Variants in PECAM1 observed in about 807,000 individuals in gnomAD.
PECAM1 encodes the protein platelet and endothelial cell adhesion molecule 1.
Under a neutral mutation model 13.8 loss-of-function variants are expected in PECAM1, and 8 were observed. That is an observed-to-expected ratio of 0.58 (90% CI 0.34 to 1.05). The LOEUF is 1.05. PECAM1 is among the 50% of genes least tolerant of loss of function. PECAM1 has a pLI of 0.03. For synonymous variants in PECAM1, 136 were observed against 52.6 expected, an observed-to-expected ratio of 2.58 and a Z score of -6.86; for missense variants, 304 against 141.2, an observed-to-expected ratio of 2.15 and a Z score of -5.84.
chr17:64,387,044 C>G (rs2036609159), intron 2 of PECAM1, among the ~76,000 whole-genome samples: 1 of 151,904 alleles, frequency 6.6e-6, no homozygotes, highest in Admixed American at 6.6e-5. Flanking sequence ...GGTTCAGACT[C>G]CAGGAGAAGA....
chr17:64,372,538 C>T (rs1267334339), intron 4 of PECAM1, among the ~76,000 whole-genome samples: 2 of 152,044 alleles, frequency 1.3e-5, no homozygotes, highest in Non-Finnish European at 2.9e-5. Flanking sequence ...TGGAGTCTCA[C>T]TCAGTCACCC....
Position 64,380,707 on chromosome 17 carries a change from G to T in PECAM1, c.92-2590C>A, listed in dbSNP as rs1035347403. On this transcript the variant is annotated intron_variant, in intron 2 of 15. Coordinates refer to ENST00000563924, the MANE Select transcript of PECAM1 (RefSeq NM_000442.5). ...GACAAATTATTAGAAATAAATGTGA[G>T]TTTAGAAAGGTGGCTGGATAAGGCC... 4.5e-3 allele frequency among the ~76,000 whole-genome samples: 682 copies of T among 152,304 alleles called. 4 individuals are homozygous for T. Among genetic ancestry groups the T allele is most frequent in the Non-Finnish European group, 8.0e-3 (546 of 68,022 alleles).
In PECAM1 at chr17:64,369,988, G is replaced by T; in HGVS notation, c.729C>A (p.Thr243=). The change falls in exon 5 of 16, where the codon ACC becomes ACA. Residue 243 remains threonine (T), a synonymous_variant. Transcript: ENST00000563924. The part of the protein sequence containing the change: ...FSTPKFHISP[T]GMIMEGAQLH... ...GCTGAGCTCCTTCCATGATCATTCC[G>T]GTGGGGCTGATGTGGAACTTGGGTG... 2.5e-6 allele frequency: 1 copy of T among 398,564 alleles called. No individual in the cohort carries two copies. The highest frequency in any genetic ancestry group is 4.4e-5 in the Admixed American group (1 of 22,706). 24.7% of individuals were successfully genotyped at this position (398,564 alleles called of 1,614,324 possible).
At chr17:64,367,006 C>CA (rs56908523) in intron 5 of PECAM1, among the ~76,000 whole-genome samples, 96,151 of 123,786 alleles carry the variant, frequency 0.78, 39,763 homozygotes, top group South Asian at 0.95. Context: ...AACTCCATTT[C>CA]AAAAAAAAAA....
intron 12 of PECAM1, among the ~76,000 whole-genome samples, chr17:64,350,165 C>T (rs1182098483): frequency 6.6e-6 from 1 of 152,070 alleles, no homozygotes; most frequent in Non-Finnish European, 1.5e-5. Context: ...CAGTTCTTCC[C>T]TACTTTGATT....
At chr17:64,355,342 A>C (rs1038870958) in intron 8 of PECAM1, among the ~76,000 whole-genome samples, 2 of 152,292 alleles carry the variant, frequency 1.3e-5, no homozygotes, top group East Asian at 3.9e-4. Context: ...TCTGTCACCC[A>C]GGCTAGAGGC....
chr17:64,382,399 T>G (rs1372617285), intron 2 of PECAM1, among the ~76,000 whole-genome samples: 2 of 152,212 alleles, frequency 1.3e-5, no homozygotes, highest in Non-Finnish European at 2.9e-5. Flanking sequence ...AGTTTGCTTA[T>G]CCATACAATA....
chr17:64,370,078 G>T (rs2036206255), intron 4 of PECAM1, 53 bp from the exon 5 acceptor site: 6 of 398,502 alleles, frequency 1.5e-5, no homozygotes, highest in Non-Finnish European at 2.7e-5. Context: ...CTGGGCAAGA[G>T]GAGCCTCTTC....
chr17:64,385,718 G>T (rs2036578062), intron 2 of PECAM1, among the ~76,000 whole-genome samples: 1 of 152,170 alleles, frequency 6.6e-6, no homozygotes, highest in Non-Finnish European at 1.5e-5. Flanking sequence ...AGGAAGGGCT[G>T]CCCAGGAGAG....
rs782226891 is a variant in PECAM1, at chr17:64,323,794, G to C, written c.*22C>G. 7 of 974,166 alleles carry C rather than the reference G, an allele frequency of 7.2e-6. No homozygotes were observed. In the South Asian group the frequency reaches 8.9e-5, roughly 12 times the overall value. 60.3% of individuals were successfully genotyped at this position (974,166 alleles called of 1,614,324 possible). A position where few individuals can be genotyped will look rare whatever the true frequency, so the allele number is the denominator to read the frequency against. On this transcript the variant is annotated 3_prime_UTR_variant, in exon 16 of 16. Transcript: ENST00000563924. ...CTCGGAACATGGATGTCCTTCCAGGGATGTGCATCTGGCCTTGCTGTCTAA... is the reference window on the plus strand; with the variant it reads ...CTCGGAACATGGATGTCCTTCCAGGCATGTGCATCTGGCCTTGCTGTCTAA...
chr17:64,381,797 G>A (rs1169345803), intron 2 of PECAM1, among the ~76,000 whole-genome samples: 5 of 152,090 alleles, frequency 3.3e-5, no homozygotes, highest in Non-Finnish European at 5.9e-5. Context: ...ATGAGCTCTC[G>A]ACACACAACT....
intron 12 of PECAM1, among the ~76,000 whole-genome samples, chr17:64,349,300 A>T (rs933949334): frequency 2.0e-5 from 3 of 152,186 alleles, no homozygotes; most frequent in Non-Finnish European, 4.4e-5. Context: ...TCAAAGATAC[A>T]TTTCAGGCTG....
chr17:64,326,249 G>T (rs1408661148), intron 15 of PECAM1, among the ~76,000 whole-genome samples: 2 of 152,336 alleles, frequency 1.3e-5, no homozygotes, highest in African/African-American at 4.8e-5. Flanking sequence ...CTCTGCTGCA[G>T]GTGGAACTCA....
rs1003895862 is a variant in PECAM1, at chr17:64,323,094, T to G, written c.*722A>C. The G allele has an allele frequency of 4.1e-6, 4 of 984,136 alleles. No homozygotes were observed. Among genetic ancestry groups the G allele is most frequent in the Non-Finnish European group, 4.8e-6 (4 of 828,816 alleles). The allele number at this position is 984,136 out of a possible 1,614,324, so 61.0% of individuals were successfully genotyped here. A position where few individuals can be genotyped will look rare whatever the true frequency, so the allele number is the denominator to read the frequency against. ...AATAATATTTGCTGATGGCACCATC[T>G]TCCTGTCTTTCAGCCTTCAGCATGG... is the stretch of plus-strand genomic sequence containing the variant. On this transcript the variant is annotated 3_prime_UTR_variant, in exon 16 of 16. Coordinates refer to ENST00000563924, the MANE Select transcript of PECAM1 (RefSeq NM_000442.5).
At chr17:64,340,157 A>G (rs920287917) in intron 14 of PECAM1, among the ~76,000 whole-genome samples, 19 of 152,232 alleles carry the variant, frequency 1.2e-4, no homozygotes, top group Non-Finnish European at 2.2e-4. Context: ...GTTTCAAACA[A>G]AAAAACAAAA....
At chr17:64,378,629 G>A (rs2143881413) in intron 2 of PECAM1, among the ~76,000 whole-genome samples, 1 of 150,760 alleles carries the variant, frequency 6.6e-6, no homozygotes, top group Non-Finnish European at 1.5e-5. Flanking sequence ...GCGACAGAGT[G>A]AGACTGTCTC....
chr17:64,325,438 A>T (rs1246340283), intron 15 of PECAM1, among the ~76,000 whole-genome samples: 5 of 151,854 alleles, frequency 3.3e-5, no homozygotes, highest in Non-Finnish European at 5.9e-5. Flanking sequence ...TATGACAATT[A>T]AAAAAAAGGA....
chr17:64,348,173 T>C lies in PECAM1; in HGVS notation c.2107+87A>G, dbSNP rs2143762970. ...GAGCGACTGAGGGTGCACAGACTCT[T>C]CTCACTGAACACAGCACCCCCGCCA... On this transcript the variant is annotated intron_variant, in intron 13 of 15. Transcript: ENST00000563924. 2.8e-5 allele frequency: 13 copies of C among 456,414 alleles called. No individual in the cohort carries two copies. The East Asian group carries it at 3.8e-4, about 13-fold the overall frequency. 28.3% of individuals were successfully genotyped at this position (456,414 alleles called of 1,614,324 possible). A position where few individuals can be genotyped will look rare whatever the true frequency, so the allele number is the denominator to read the frequency against.
At chr17:64,332,320 C>G (rs1275756546) in intron 14 of PECAM1, among the ~76,000 whole-genome samples, 2 of 149,032 alleles carry the variant, frequency 1.3e-5, no homozygotes, top group African/African-American at 5.2e-5. Context: ...CCAAAGGACC[C>G]CGTGATTCCT....
Sources: gnomAD v4.1 joint callset for allele counts (sites outside exome capture counted in the v4.1 genomes callset) on GRCh38, gnomAD v4.1.1 for gene constraint, MANE v1.5 for transcripts, NCBI Gene and HGNC (gene_info 2026-07-23, HGNC 2026-07-21) for gene names.